SP100: variants seen among roughly 807,000 people sequenced by gnomAD.
The protein encoded by SP100 is SP100 nuclear body protein, also known as nuclear autoantigen Sp-100.
A neutral mutation model predicts 130.0 loss-of-function variants in SP100; 84 were observed. The ratio of observed to expected loss-of-function variants is 0.65; its 90% CI spans 0.54 to 0.77. SP100 has a LOEUF of 0.77. SP100 is among the 30% of genes least tolerant of loss of function. The probability of loss-of-function intolerance (pLI) is 0.00; values close to 1 mark genes in which losing one functional copy is unlikely to be tolerated. For synonymous variants in SP100, 331 were observed against 351.7 expected, an observed-to-expected ratio of 0.94 and a Z score of 0.66; for missense variants, 978 against 1,052.2, an observed-to-expected ratio of 0.93 and a Z score of 0.97.
At chr2:230,500,886 T>C (rs2066983609) in intron 19 of SP100, among the ~76,000 whole-genome samples, 1 of 152,186 alleles carries the variant, frequency 6.6e-6, no homozygotes, top group Non-Finnish European at 1.5e-5. Context: ...GAACGAGTGG[T>C]AAGAAAGCTT....
chr2:230,506,738 G>T, intron 22 of SP100: 1 of 243,198 alleles, frequency 4.1e-6, no homozygotes. Context: ...AGTAACTTAA[G>T]TTGGAGGGGA....
At chr2:230,472,532 A>T (rs1020254565) in intron 15 of SP100, among the ~76,000 whole-genome samples, 1 of 152,016 alleles carries the variant, frequency 6.6e-6, no homozygotes, top group South Asian at 2.1e-4. Flanking sequence ...TCACCTCAAT[A>T]ATAAAACTAG....
intron 24 of SP100, among the ~76,000 whole-genome samples, chr2:230,531,837 A>G (rs1465371807): frequency 6.6e-6 from 1 of 152,204 alleles, no homozygotes; most frequent in South Asian, 2.1e-4. Flanking sequence ...TATGCATCAT[A>G]TGTTTTTAGG....
At chr2:230,532,140 G>A (rs568879181) in intron 24 of SP100, among the ~76,000 whole-genome samples, 1 of 152,090 alleles carries the variant, frequency 6.6e-6, no homozygotes, top group Non-Finnish European at 1.5e-5. Flanking sequence ...ATTAATAGAG[G>A]ACACCGACCA....
intron 17 of SP100, among the ~76,000 whole-genome samples, chr2:230,484,735 T>C (rs1053124125): frequency 6.6e-6 from 1 of 152,204 alleles, no homozygotes; most frequent in African/African-American, 2.4e-5. Context: ...CATTTCTATA[T>C]CTTAATTTTG....
At chr2:230,511,028 G>A in intron 23 of SP100, 97 bp from the exon 24 acceptor site, 1 of 817,328 alleles carries the variant, frequency 1.2e-6, no homozygotes, top group Non-Finnish European at 2.2e-6. Flanking sequence ...GAAGGGCTGT[G>A]GCATGAATCC....
intron 23 of SP100, chr2:230,508,928 C>CACACAA (rs1690352834): frequency 7.3e-6 from 1 of 137,784 alleles, no homozygotes; most frequent in Non-Finnish European, 1.5e-5. Context: ...CACACACACA[C>CACACAA]ACACACACAC....
intron 23 of SP100, chr2:230,508,966 CACAT>C (rs772790686): frequency 9.9e-4 from 148 of 148,868 alleles, no homozygotes; most frequent in African/African-American, 1.5e-3. Flanking sequence ...CACACACACA[CACAT>C]ACACACACAC....
chr2:230,500,238 A>C (rs1467223754), intron 19 of SP100, among the ~76,000 whole-genome samples: 1 of 152,224 alleles, frequency 6.6e-6, no homozygotes, highest in Non-Finnish European at 1.5e-5. Context: ...AGAACAGTTA[A>C]GTCCTACTTT....
chr2:230,536,421 C>T (rs186140792), intron 24 of SP100, among the ~76,000 whole-genome samples: 73 of 152,254 alleles, frequency 4.8e-4, no homozygotes, highest in Admixed American at 2.1e-3. Context: ...TAGAAATTGA[C>T]CCTCTCAGTC....
At chr2:230,424,722 G>A (rs1048884513) in intron 2 of SP100, among the ~76,000 whole-genome samples, 1 of 151,566 alleles carries the variant, frequency 6.6e-6, no homozygotes, top group African/African-American at 2.4e-5. Context: ...TCTGGGTAAT[G>A]AGTGGGCAAT....
intron 8 of SP100, among the ~76,000 whole-genome samples, chr2:230,460,160 G>A (rs2149959894): frequency 6.6e-6 from 1 of 152,222 alleles, no homozygotes; most frequent in East Asian, 1.9e-4. Flanking sequence ...GAAACCAACA[G>A]AAATGTGTGT....
intron 2 of SP100, among the ~76,000 whole-genome samples, chr2:230,428,742 G>A (rs565032604): frequency 4.6e-5 from 7 of 152,010 alleles, no homozygotes; most frequent in East Asian, 3.9e-4. Flanking sequence ...ACGCCTGGCC[G>A]AGAAGTGCTA....
intron 24 of SP100, among the ~76,000 whole-genome samples, chr2:230,535,784 G>A (rs1481740122): frequency 1.3e-5 from 2 of 151,432 alleles, no homozygotes; most frequent in East Asian, 3.9e-4. Flanking sequence ...GTGCATGCCT[G>A]TCGTCCCAGC....
At chr2:230,455,424 G>A (rs182629457) in intron 8 of SP100, among the ~76,000 whole-genome samples, 24 of 152,224 alleles carry the variant, frequency 1.6e-4, no homozygotes, top group Admixed American at 1.2e-3. Context: ...CTCATCTGAC[G>A]TAAGTACACC....
In SP100 at chr2:230,467,160, G is replaced by C; in HGVS notation, c.1236G>C (p.Glu412Asp). Residue 412 changes from glutamate (E) to aspartate (D), a missense_variant, in exon 13 of 29, where the codon GAG becomes GAC. Transcript: ENST00000340126. ...ACGACTTTTCAGAATCCAGTGAGGA[G>C]GAGGCGCCCGCAGAAGCCTCGAGCG... Reference protein sequence around the residue: ...QDHDFSESSEEEAPAEASSGA... With the variant: ...QDHDFSESSEDEAPAEASSGA... The C allele has an allele frequency of 6.2e-7, 1 of 1,613,966 alleles. No individual in the cohort carries two copies.
Position 230,507,995 on chromosome 2 carries a change from C to G in SP100, c.2016C>G (p.Asn672Lys). ...CATTTATCTCTTTTCTTTTTTAGAA[C>G]AAATTTCTGCCAGAACCACCAAGCA... Reference protein sequence around the residue: ...GGYTLKVLMENKFLPEPPSTR... With the variant: ...GGYTLKVLMEKKFLPEPPSTR... The change falls in exon 23 of 29, where the codon AAC (asparagine) becomes AAG (lysine). Residue 672 changes from asparagine (N) to lysine (K), a missense_variant and splice_region_variant. Physicochemically the swap from Asn to Lys is moderately conservative, Grantham distance 94. Coordinates refer to ENST00000340126, the MANE Select transcript of SP100 (RefSeq NM_001080391.2). 6.2e-7 allele frequency: 1 copy of G among 1,612,768 alleles called. No homozygotes were observed. The highest frequency in any genetic ancestry group is 1.3e-5 in the African/African-American group (1 of 74,958).
At position 230,446,829 on chromosome 2, in the gene SP100, C is replaced by G; in HGVS notation, c.450C>G (p.Asp150Glu). The G allele has an allele frequency of 6.2e-7, 1 of 1,607,132 alleles. No individual in the cohort carries two copies. Among genetic ancestry groups the G allele is most frequent in the Admixed American group, 1.7e-5 (1 of 59,898 alleles). Residue 150 changes from aspartate (D) to glutamate (E), a missense_variant, in exon 5 of 29, where the codon GAC (aspartate) becomes GAG (glutamate). Physicochemically the swap from Asp to Glu is conservative, Grantham distance 45. Transcript: ENST00000340126. ...IYKGFENVIH[D>E]KLPLQESEEE... ...TCTCCCACTCTTCAGTAATCCATGA[C>G]AAATTGCCTCTCCAAGAAAGTGAAG...
chr2:230,443,826 G>C (rs918671096), intron 3 of SP100, among the ~76,000 whole-genome samples: 2 of 152,130 alleles, frequency 1.3e-5, no homozygotes, highest in Non-Finnish European at 2.9e-5. Context: ...GAAGAGCAGG[G>C]GTTGTCCAGC....
Sources: gnomAD v4.1 joint callset for allele counts (sites outside exome capture counted in the v4.1 genomes callset) on GRCh38, gnomAD v4.1.1 for gene constraint, MANE v1.5 for transcripts, NCBI Gene and HGNC (gene_info 2026-07-23, HGNC 2026-07-21) for gene names.